PRDM6: variants seen among roughly 807,000 people sequenced by gnomAD.
The protein encoded by PRDM6 is PR/SET domain 6.
PRDM6 carries 25 observed loss-of-function variants against 60.8 expected under a neutral mutation model. The observed-to-expected ratio is 0.41, with a 90% CI of 0.30 to 0.57. The LOEUF is 0.57. PRDM6 is among the 20% of genes least tolerant of loss of function. PRDM6 has a pLI of 0.27. For synonymous variants in PRDM6, 407 were observed against 357.4 expected, an observed-to-expected ratio of 1.14 and a Z score of -1.57; for missense variants, 839 against 821.3, an observed-to-expected ratio of 1.02 and a Z score of -0.26.
At chr5:123,169,561 C>T (rs1233204190) in intron 5 of PRDM6, among the ~76,000 whole-genome samples, 1 of 152,190 alleles carries the variant, frequency 6.6e-6, no homozygotes, top group Non-Finnish European at 1.5e-5. Context: ...TGCTAAGGCT[C>T]ATAGGGCCGA....
At position 123,090,164 on chromosome 5, in the gene PRDM6, T is replaced by C. The variant is rs1763783472; in HGVS notation, c.150T>C (p.Leu50=). Residue 50 remains leucine (L), a synonymous_variant, in exon 2 of 8, where the codon CTT becomes CTC. Transcript: ENST00000407847. The part of the protein sequence containing the change: ...AAGLLSAPQP[L]QPPPPPPPPE... ...GTCTCCTGAGCGCGCCGCAGCCTCT[T>C]CAGCCGCCGCCGCCGCCCCCGCCCC... is the stretch of plus-strand genomic sequence containing the variant. The C allele has an allele frequency of 2.0e-6, 3 of 1,496,222 alleles. No homozygotes were observed. The highest frequency in any genetic ancestry group is 2.7e-6 in the Non-Finnish European group (3 of 1,124,600). The allele number at this position is 1,496,222 out of a possible 1,614,324, so 92.7% of individuals were successfully genotyped here.
intron 3 of PRDM6, among the ~76,000 whole-genome samples, chr5:123,146,647 AG>A (rs1765245740): frequency 6.6e-6 from 1 of 152,192 alleles, no homozygotes; most frequent in Non-Finnish European, 1.5e-5. Flanking sequence ...TGACACGACA[AG>A]GGATGCTGAG....
intron 3 of PRDM6, among the ~76,000 whole-genome samples, chr5:123,109,056 T>C (rs1006873231): frequency 6.6e-6 from 1 of 152,140 alleles, no homozygotes; most frequent in Admixed American, 6.5e-5. Context: ...TAAAAACACT[T>C]CTACCAATAT....
intron 3 of PRDM6, among the ~76,000 whole-genome samples, chr5:123,124,705 G>A (rs1764653857): frequency 1.3e-5 from 2 of 152,176 alleles, no homozygotes; most frequent in Admixed American, 6.5e-5. Context: ...AGACATTGCT[G>A]CATCCGGAAA....
rs530682653 is a variant in PRDM6 at position 123,107,452 on chromosome 5, C to G, written c.900+7491C>G. 1.2e-4 allele frequency among the ~76,000 whole-genome samples: 19 copies of G among 152,328 alleles called. No homozygotes were observed. The South Asian group carries it at 3.9e-3, about 32-fold the overall frequency. On this transcript the variant is annotated intron_variant, in intron 3 of 7. Coordinates refer to ENST00000407847, the MANE Select transcript of PRDM6 (RefSeq NM_001136239.4). ...ACATCAAGTTCACTTGGTGCTTTAT[C>G]ACTAGCCACAAACCACAGAGTTGCT...
intron 5 of PRDM6, among the ~76,000 whole-genome samples, chr5:123,169,458 C>T (rs1293686216): frequency 3.3e-5 from 5 of 152,120 alleles, no homozygotes; most frequent in Non-Finnish European, 5.9e-5. Flanking sequence ...CCTTCTATAA[C>T]AAAAATGGTA....
At chr5:123,097,395 G>T (rs1392657334) in intron 2 of PRDM6, among the ~76,000 whole-genome samples, 1 of 151,874 alleles carries the variant, frequency 6.6e-6, no homozygotes, top group East Asian at 1.9e-4. Context: ...AAATCTCTGG[G>T]TTTAGAGGCC....
At chr5:123,125,564 C>G (rs335156) in intron 3 of PRDM6, among the ~76,000 whole-genome samples, 28,388 of 152,084 alleles carry the variant, frequency 0.19, 3,277 homozygotes, top group South Asian at 0.38. Context: ...GGCCCATCCT[C>G]CAATCTTACT....
intron 5 of PRDM6, among the ~76,000 whole-genome samples, chr5:123,163,286 C>T (rs1356633070): frequency 6.6e-6 from 1 of 152,206 alleles, no homozygotes; most frequent in Non-Finnish European, 1.5e-5. Flanking sequence ...TATGATTTTA[C>T]TTAGTGAGTA....
At chr5:123,164,095 G>C (rs1470677104) in intron 5 of PRDM6, among the ~76,000 whole-genome samples, 2 of 152,156 alleles carry the variant, frequency 1.3e-5, no homozygotes, top group East Asian at 3.9e-4. Context: ...CAGGGCCCCA[G>C]GGGAAGCGTT....
chr5:123,159,122 C>A (rs1172639496), intron 4 of PRDM6, among the ~76,000 whole-genome samples: 1 of 152,138 alleles, frequency 6.6e-6, no homozygotes, highest in Admixed American at 6.5e-5. Flanking sequence ...ACATTTAATG[C>A]TTTTCCTTCA....
chr5:123,094,782 G>A (rs1580472969), intron 2 of PRDM6, among the ~76,000 whole-genome samples: 1 of 152,132 alleles, frequency 6.6e-6, no homozygotes, highest in African/African-American at 2.4e-5. Context: ...TGGCAGCCTC[G>A]CAGGGGCAGG....
intron 3 of PRDM6, among the ~76,000 whole-genome samples, chr5:123,123,927 T>C (rs930391604): frequency 2.6e-5 from 4 of 152,080 alleles, no homozygotes; most frequent in African/African-American, 9.7e-5. Context: ...AAGGGAGAGC[T>C]GGGGTATTTG....
intron 6 of PRDM6, among the ~76,000 whole-genome samples, chr5:123,171,413 A>G (rs1765887870): frequency 6.6e-6 from 1 of 152,192 alleles, no homozygotes; most frequent in Non-Finnish European, 1.5e-5. Context: ...GGTCAGGATA[A>G]TTAGAATCTT....
intron 3 of PRDM6, among the ~76,000 whole-genome samples, chr5:123,106,712 G>A (rs944833994): frequency 6.6e-6 from 1 of 152,138 alleles, no homozygotes; most frequent in Non-Finnish European, 1.5e-5. Flanking sequence ...CCCACCAGAC[G>A]GAATGTTTTT....
chr5:123,121,497 C>A (rs1764580764), intron 3 of PRDM6, among the ~76,000 whole-genome samples: 1 of 152,182 alleles, frequency 6.6e-6, no homozygotes, highest in African/African-American at 2.4e-5. Context: ...ATCCTCCCAC[C>A]TTGGCCTCCC....
intron 5 of PRDM6, among the ~76,000 whole-genome samples, 159 bp downstream of exon 5, chr5:123,159,797 A>G (rs1414171659): frequency 2.0e-5 from 3 of 152,202 alleles, no homozygotes; most frequent in Non-Finnish European, 2.9e-5. Flanking sequence ...CCTGCATGTC[A>G]TCTGCTTTCT....
intron 3 of PRDM6, among the ~76,000 whole-genome samples, chr5:123,149,911 G>A (rs545890009): frequency 3.9e-5 from 6 of 152,240 alleles, no homozygotes; most frequent in African/African-American, 1.4e-4. Flanking sequence ...ATTACAAAAT[G>A]ATTAAAATGC....
chr5:123,136,430 A>C (rs1221643887), intron 3 of PRDM6, among the ~76,000 whole-genome samples: 1 of 152,214 alleles, frequency 6.6e-6, no homozygotes, highest in Non-Finnish European at 1.5e-5. Context: ...TAGACACCCG[A>C]GAGGCTAAAG....
Sources: gnomAD v4.1 joint callset for allele counts (sites outside exome capture counted in the v4.1 genomes callset) on GRCh38, gnomAD v4.1.1 for gene constraint, MANE v1.5 for transcripts, NCBI Gene and HGNC (gene_info 2026-07-23, HGNC 2026-07-21) for gene names.